Variants in ZNF385D observed in about 807,000 individuals in gnomAD.
ZNF385D encodes the protein zinc finger protein 659.
Under a neutral mutation model 35.8 loss-of-function variants are expected in ZNF385D, and 15 were observed. The observed-to-expected ratio is 0.42, with a 90% CI of 0.28 to 0.64. ZNF385D has a LOEUF of 0.64. ZNF385D is among the 30% of genes least tolerant of loss of function. ZNF385D has a pLI of 0.23. For synonymous variants in ZNF385D, 212 were observed against 186.8 expected, an observed-to-expected ratio of 1.13 and a Z score of -1.10; for missense variants, 474 against 494.6, an observed-to-expected ratio of 0.96 and a Z score of 0.39.
At chr3:21,538,578 A>T (rs141061170) in intron 3 of ZNF385D, among the ~76,000 whole-genome samples, 1 of 152,190 alleles carries the variant, frequency 6.6e-6, no homozygotes, top group African/African-American at 2.4e-5. Context: ...AAGATTAGCA[A>T]CTTGTTTCAA....
chr3:22,008,414 C>G (rs7628457), intron 3 of ZNF385D, among the ~76,000 whole-genome samples: 24,848 of 140,100 alleles, frequency 0.18, 2,227 homozygotes, highest in Middle Eastern at 0.21. Flanking sequence ...GTGCAGTGGC[C>G]CGATCTCGGC....
At chr3:21,789,783 G>C (rs1381254254) in intron 3 of ZNF385D, among the ~76,000 whole-genome samples, 1 of 152,132 alleles carries the variant, frequency 6.6e-6, no homozygotes, top group South Asian at 2.1e-4. Flanking sequence ...TATTCAGCAA[G>C]ATAGCTGCAT....
intron 1 of ZNF385D, among the ~76,000 whole-genome samples, chr3:21,686,237 T>C (rs2067100008): frequency 6.6e-6 from 1 of 152,236 alleles, no homozygotes. Flanking sequence ...TTTCTAAATC[T>C]CTTCACTGTT....
At chr3:22,247,425 AG>A (rs1251532731) in intron 2 of ZNF385D, among the ~76,000 whole-genome samples, 1 of 152,088 alleles carries the variant, frequency 6.6e-6, no homozygotes, top group African/African-American at 2.4e-5. Flanking sequence ...TTTAAGCTCC[AG>A]ATAACCTATG....
At chr3:21,632,681 T>A (rs1457591) in intron 2 of ZNF385D, among the ~76,000 whole-genome samples, 21,609 of 152,060 alleles carry the variant, frequency 0.14, 1,595 homozygotes, top group South Asian at 0.18. Context: ...ACAAATGTAT[T>A]TTCAGATTCA....
intron 1 of ZNF385D, among the ~76,000 whole-genome samples, chr3:21,722,713 A>G (rs573310350): frequency 6.6e-6 from 1 of 152,338 alleles, no homozygotes; most frequent in Non-Finnish European, 1.5e-5. Flanking sequence ...ACTTCCACAC[A>G]AAGGAGATCA....
intron 3 of ZNF385D, among the ~76,000 whole-genome samples, chr3:22,069,626 T>C (rs1700134905): frequency 6.6e-6 from 1 of 152,158 alleles, no homozygotes; most frequent in Non-Finnish European, 1.5e-5. Context: ...CCTCTAAGAA[T>C]AAATACATTC....
intron 3 of ZNF385D, among the ~76,000 whole-genome samples, chr3:22,003,797 G>C (rs1223303195): frequency 2.0e-5 from 3 of 151,660 alleles, no homozygotes; most frequent in African/African-American, 7.3e-5. Context: ...AACCTAGGGG[G>C]CAGAGGCTGC....
chr3:22,236,158 A>C (rs1699171756), intron 2 of ZNF385D, among the ~76,000 whole-genome samples: 1 of 152,212 alleles, frequency 6.6e-6, no homozygotes, highest in Non-Finnish European at 1.5e-5. Context: ...AAATCATGTA[A>C]GTAATGGTAT....
intron 1 of ZNF385D, among the ~76,000 whole-genome samples, chr3:21,712,646 G>A (rs1056296822): frequency 6.6e-6 from 1 of 152,102 alleles, no homozygotes; most frequent in Non-Finnish European, 1.5e-5. Flanking sequence ...GAAGTTTCAT[G>A]CAGAAAAAAA....
intron 3 of ZNF385D, among the ~76,000 whole-genome samples, chr3:22,127,123 CCATT>C (rs2125677901): frequency 6.6e-6 from 1 of 151,888 alleles, no homozygotes; most frequent in East Asian, 1.9e-4. Flanking sequence ...TACTTTTTAT[CCATT>C]CAGTCACTGT....
At chr3:21,614,707 G>C (rs552075515) in intron 2 of ZNF385D, among the ~76,000 whole-genome samples, 204 of 152,294 alleles carry the variant, frequency 1.3e-3, no homozygotes, top group Non-Finnish European at 2.5e-3. Context: ...TCCTGCCTCA[G>C]CCTCCCAGGT....
At position 21,418,583 on chromosome 3, in the gene ZNF385D, A is replaced by G. The variant is rs958153071; in HGVS notation, c.*2631T>C. On this transcript the variant is annotated 3_prime_UTR_variant, in exon 8 of 8. Transcript: ENST00000281523. Reference sequence around the variant, plus strand: ...GATTTCTTATATGGCTGATGGAGAAAATATGGCTGATTCGTTTGTTCCCAG... The same window carrying G: ...GATTTCTTATATGGCTGATGGAGAAGATATGGCTGATTCGTTTGTTCCCAG... 2.6e-5 allele frequency: 4 copies of G among 152,194 alleles called. No homozygotes were observed. Among genetic ancestry groups the G allele is most frequent in the Admixed American group, 2.6e-4 (4 of 15,280 alleles). The allele number at this position is 152,194 out of a possible 1,614,324, so 9.4% of individuals were successfully genotyped here. A position where few individuals can be genotyped will look rare whatever the true frequency, so the allele number is the denominator to read the frequency against.
intron 3 of ZNF385D, among the ~76,000 whole-genome samples, chr3:22,093,586 C>G (rs1227073382): frequency 6.6e-6 from 1 of 151,968 alleles, no homozygotes; most frequent in East Asian, 1.9e-4. Flanking sequence ...ACATTTTATC[C>G]TCATTCATTA....
intron 3 of ZNF385D, among the ~76,000 whole-genome samples, chr3:22,071,737 A>G (rs1383088): frequency 3.9e-5 from 6 of 152,104 alleles, no homozygotes; most frequent in Non-Finnish European, 7.4e-5. Context: ...TACCAAAACT[A>G]TCTTTTCTCT....
At chr3:22,289,546 G>A (rs897991071) in intron 2 of ZNF385D, among the ~76,000 whole-genome samples, 1 of 152,148 alleles carries the variant, frequency 6.6e-6, no homozygotes, top group Non-Finnish European at 1.5e-5. Flanking sequence ...GAAAAACTGG[G>A]CATGCAAGCC....
intron 3 of ZNF385D, among the ~76,000 whole-genome samples, chr3:22,111,525 G>C (rs1046551004): frequency 6.6e-6 from 1 of 152,036 alleles, no homozygotes; most frequent in Non-Finnish European, 1.5e-5. Flanking sequence ...ACATGGAAGT[G>C]ATAGAAAACT....
chr3:21,818,491 G>T (rs1182564627), intron 3 of ZNF385D, among the ~76,000 whole-genome samples: 1 of 152,082 alleles, frequency 6.6e-6, no homozygotes, highest in African/African-American at 2.4e-5. Context: ...ATTAATTTGG[G>T]TGTTATCATA....
chr3:21,918,225 A>G (rs545859063), intron 3 of ZNF385D, among the ~76,000 whole-genome samples: 69 of 152,322 alleles, frequency 4.5e-4, no homozygotes, highest in Admixed American at 4.4e-3. Flanking sequence ...TATATGGTCT[A>G]TGCTCAGACA....
Sources: gnomAD v4.1 joint callset for allele counts (sites outside exome capture counted in the v4.1 genomes callset) on GRCh38, gnomAD v4.1.1 for gene constraint, MANE v1.5 for transcripts, NCBI Gene and HGNC (gene_info 2026-07-23, HGNC 2026-07-21) for gene names.